WASF1: variants seen among roughly 807,000 people sequenced by gnomAD.
WASF1 encodes WASP family member 1.
WASF1 carries 7 observed loss-of-function variants against 50.5 expected under a neutral mutation model. The observed-to-expected ratio is 0.14, with a 90% CI of 0.08 to 0.26. The LOEUF is 0.26. Ranked by LOEUF, WASF1 falls within the 10% of genes least tolerant of loss-of-function variation. WASF1 has a pLI of 1.00. For synonymous variants in WASF1, 205 were observed against 244.0 expected, an observed-to-expected ratio of 0.84 and a Z score of 1.49; for missense variants, 470 against 694.7, an observed-to-expected ratio of 0.68 and a Z score of 3.64.
chr6:110,102,522 T>C (rs1299213010), intron 9 of WASF1, among the ~76,000 whole-genome samples: 3 of 152,166 alleles, frequency 2.0e-5, no homozygotes, highest in African/African-American at 7.2e-5. Flanking sequence ...CTCAATTCTA[T>C]ACTGACAGGA....
chr6:110,171,546 A>C (rs533150948), intron 2 of WASF1, among the ~76,000 whole-genome samples: 27 of 152,266 alleles, frequency 1.8e-4, no homozygotes, highest in African/African-American at 6.5e-4. Flanking sequence ...CTGTATTAGA[A>C]AAGTAGAAGG....
intron 2 of WASF1, among the ~76,000 whole-genome samples, chr6:110,170,592 T>A (rs1327573541): frequency 4.6e-5 from 7 of 152,096 alleles, no homozygotes; most frequent in African/African-American, 1.7e-4. Context: ...CAGTAGATTT[T>A]AATACAATTA....
intron 2 of WASF1, among the ~76,000 whole-genome samples, chr6:110,173,852 GA>G (rs1776815886): frequency 6.6e-6 from 1 of 152,158 alleles, no homozygotes; most frequent in African/African-American, 2.4e-5. Flanking sequence ...GAGGACCCAG[GA>G]AAAGTTCTGA....
At position 110,172,393 on chromosome 6, in the gene WASF1, C is replaced by T. The variant is rs9487313; in HGVS notation, c.-127+6205G>A. Among the ~76,000 whole-genome samples the T allele has an allele frequency of 3.0e-3, 450 of 151,810 alleles. 5 individuals carry two copies. The highest frequency in any genetic ancestry group is 0.01 in the African/African-American group (420 of 41,412). ...AAAACAGGAAATCAAGAGAAAAAAA[C>T]AATGAAACTAAATGAAGATTCCTTG... On this transcript the variant is annotated intron_variant, in intron 2 of 10. Coordinates refer to ENST00000392589, the MANE Select transcript of WASF1 (RefSeq NM_003931.3).
intron 3 of WASF1, among the ~76,000 whole-genome samples, chr6:110,149,430 T>C (rs1775723793): frequency 6.9e-6 from 1 of 144,132 alleles, no homozygotes; most frequent in South Asian, 2.1e-4. Context: ...ACAATTCATA[T>C]GAAATGTCAT....
At position 110,126,123 on chromosome 6, in the gene WASF1, T is replaced by C. The variant is rs372999990; in HGVS notation, c.133+1346A>G. Among the ~76,000 whole-genome samples the C allele has an allele frequency of 5.9e-5, 9 of 152,178 alleles. No homozygotes were observed. The South Asian group carries it at 1.2e-3, about 21-fold the overall frequency. ...TAATATTAGCATGCTTATATACTTA[T>C]GTATGTACATAACATATATAAAACA... On this transcript the variant is annotated intron_variant, in intron 4 of 10. Transcript: ENST00000392589.
chr6:110,102,749 T>TTTTTTTTTTTTTTTTTTTTTTTTG (rs1773150293), intron 9 of WASF1, among the ~76,000 whole-genome samples: 1 of 152,090 alleles, frequency 6.6e-6, no homozygotes, highest in African/African-American at 2.4e-5. Flanking sequence ...ATTGGATTTT[T>TTTTTTTTTTTTTTTTTTTTTTTTG]AACTGAAAAT....
chr6:110,107,265 TA>T, intron 6 of WASF1, 71 bp from the exon 7 acceptor site: 3 of 1,009,282 alleles, frequency 3.0e-6, no homozygotes, highest in Non-Finnish European at 4.3e-6. Context: ...ATAATTTCAC[TA>T]AAATGTTTAT....
intron 3 of WASF1, among the ~76,000 whole-genome samples, chr6:110,155,041 G>A (rs1033550917): frequency 6.6e-6 from 1 of 152,080 alleles, no homozygotes; most frequent in Non-Finnish European, 1.5e-5. Context: ...TACCTTCACA[G>A]TGGAAGACTT....
intron 5 of WASF1, among the ~76,000 whole-genome samples, chr6:110,112,732 T>C (rs1359382918): frequency 6.6e-6 from 1 of 151,840 alleles, no homozygotes; most frequent in Non-Finnish European, 1.5e-5. Flanking sequence ...AAACCCCATC[T>C]CTACTAAAAA....
intron 3 of WASF1, among the ~76,000 whole-genome samples, chr6:110,142,978 A>G (rs1025266356): frequency 2.7e-5 from 4 of 150,544 alleles, no homozygotes; most frequent in Non-Finnish European, 5.9e-5. Flanking sequence ...AAAAAACTAA[A>G]GCAATTCCCA....
chr6:110,154,003 T>G (rs1775941608), intron 3 of WASF1, among the ~76,000 whole-genome samples: 2 of 152,054 alleles, frequency 1.3e-5, no homozygotes. Flanking sequence ...GAGGATACAT[T>G]TGGAGTGAAA....
chr6:110,140,800 G>T (rs1201498524), intron 3 of WASF1, among the ~76,000 whole-genome samples: 1 of 152,074 alleles, frequency 6.6e-6, no homozygotes, highest in Non-Finnish European at 1.5e-5. Context: ...ATGCCTACAG[G>T]ATCAGATGAA....
chr6:110,147,363 A>T (rs570231347), intron 3 of WASF1, among the ~76,000 whole-genome samples: 1,530 of 151,150 alleles, frequency 0.01, 27 homozygotes, highest in African/African-American at 0.035. Context: ...AAAAAAAAAA[A>T]TTATGTCACC....
At chr6:110,165,196 G>A (rs188256426) in intron 2 of WASF1, among the ~76,000 whole-genome samples, 1 of 151,654 alleles carries the variant, frequency 6.6e-6, no homozygotes, top group Admixed American at 6.6e-5. Context: ...TTAACTTTGA[G>A]TGATTTATCA....
At chr6:110,168,848 T>C (rs1189769639) in intron 2 of WASF1, among the ~76,000 whole-genome samples, 1 of 152,226 alleles carries the variant, frequency 6.6e-6, no homozygotes, top group South Asian at 2.1e-4. Context: ...CTCATTATTA[T>C]AAAACAACTT....
intron 3 of WASF1, among the ~76,000 whole-genome samples, chr6:110,129,936 C>G (rs1439995909): frequency 2.0e-5 from 3 of 152,142 alleles, no homozygotes; most frequent in Admixed American, 6.5e-5. Flanking sequence ...ATGGTTTCAA[C>G]TTATACTGTC....
intron 4 of WASF1, among the ~76,000 whole-genome samples, chr6:110,118,691 GACCTAATAGAC>G (rs1773932608): frequency 6.6e-6 from 1 of 152,128 alleles, no homozygotes; most frequent in Admixed American, 6.5e-5. Flanking sequence ...GGACCAAGCA[GACCTAATAGAC>G]ATCTACAGAA....
intron 3 of WASF1, among the ~76,000 whole-genome samples, chr6:110,144,606 G>T (rs1333180456): frequency 6.8e-4 from 104 of 151,990 alleles, no homozygotes; most frequent in African/African-American, 2.1e-3. Flanking sequence ...GGTCTAACGT[G>T]TAAGTCTTTA....
Sources: allele counts gnomAD v4.1 joint callset (sites outside exome capture counted in the v4.1 genomes callset), GRCh38; gene constraint gnomAD v4.1.1; transcripts MANE v1.5; gene names NCBI Gene and HGNC (gene_info 2026-07-23, HGNC 2026-07-21).